SMAD6: variants seen among roughly 807,000 people sequenced by gnomAD.
The protein encoded by SMAD6 is SMAD family member 6.
Under a neutral mutation model 39.4 loss-of-function variants are expected in SMAD6, and 103 were observed. That is an observed-to-expected ratio of 2.62 (90% CI 2.23 to 3.08). The LOEUF is 3.08. Ranked by LOEUF, SMAD6 falls within the 30% of genes most tolerant of loss-of-function variation. SMAD6 has a pLI of 0.00. For missense variants in SMAD6, 1,104 were observed against 742.9 expected (o/e 1.49, Z -5.65); for synonymous variants, 445 against 353.3 (o/e 1.26, Z -2.91).
rs753614941 is a variant in SMAD6 at position 66,781,265 on chromosome 15, G to T, written c.1221G>T (p.Glu407Asp). ...GCGTGTGGGCCTACAACCGCGGCGA[G>T]CACCCCATCTTCGTCAACTCCCCGA... Reference protein sequence around the residue: ...PDGVWAYNRGEHPIFVNSPTL... With the variant: ...PDGVWAYNRGDHPIFVNSPTL... The change falls in exon 4 of 4, where the codon GAG becomes GAT. Residue 407 changes from glutamate to aspartate, a missense_variant. Coordinates refer to ENST00000288840, the MANE Select transcript of SMAD6 (RefSeq NM_005585.5). 6.2e-7 allele frequency: 1 copy of T among 1,607,792 alleles called. No homozygotes were observed. The highest frequency in any genetic ancestry group is 1.1e-5 in the South Asian group (1 of 91,054).
In SMAD6 at chr15:66,703,906, C is replaced by G. The variant is rs1035549645; in HGVS notation, c.648C>G (p.Gly216=). The G allele has an allele frequency of 9.9e-5, 127 of 1,288,778 alleles. No individual in the cohort carries two copies. Among genetic ancestry groups the G allele is most frequent in the Non-Finnish European group, 1.1e-4 (114 of 1,023,394 alleles). The allele number at this position is 1,288,778 out of a possible 1,614,324, so 79.8% of individuals were successfully genotyped here. The change falls in exon 1 of 4, where the codon GGC becomes GGG. Residue 216 remains glycine (G), a synonymous_variant. Transcript: ENST00000288840. The stretch of plus-strand genomic sequence containing the variant: ...TGCCGCGCGCCGACCTCCGCCTGGG[C>G]GGCCAGCCCGCGCCGCCGCAGCTGC... The part of the protein sequence containing the change: ...VLVPRADLRL[G]GQPAPPQLLL...
At chr15:66,711,460 C>G (rs1360693696) in intron 1 of SMAD6, among the ~76,000 whole-genome samples, 1 of 152,204 alleles carries the variant, frequency 6.6e-6, no homozygotes, top group Non-Finnish European at 1.5e-5. Flanking sequence ...CCAAAGGTGG[C>G]AGAGCTGGGA....
chr15:66,734,215 T>C (rs371770137), intron 3 of SMAD6, among the ~76,000 whole-genome samples: 38 of 152,330 alleles, frequency 2.5e-4, no homozygotes, highest in African/African-American at 8.4e-4. Flanking sequence ...AGAAAAGCAC[T>C]GTGCTTGGAA....
At chr15:66,753,774 A>G (rs886829423) in intron 3 of SMAD6, among the ~76,000 whole-genome samples, 7 of 151,670 alleles carry the variant, frequency 4.6e-5, no homozygotes, top group Admixed American at 4.6e-4. Context: ...GGACTTCATC[A>G]CTCTTTTGGA....
At chr15:66,719,544 G>T (rs967770927) in intron 3 of SMAD6, among the ~76,000 whole-genome samples, 5 of 152,244 alleles carry the variant, frequency 3.3e-5, no homozygotes, top group African/African-American at 1.2e-4. Flanking sequence ...TCCCCAAACA[G>T]GGTGTCTGCA....
chr15:66,761,648 C>T (rs7180242), intron 3 of SMAD6, among the ~76,000 whole-genome samples: 69,922 of 152,052 alleles, frequency 0.46, 17,070 homozygotes, highest in Admixed American at 0.61. Flanking sequence ...CTATAAGGCC[C>T]TACCCTCCTG....
At chr15:66,717,945 A>C (rs975876138) in intron 3 of SMAD6, among the ~76,000 whole-genome samples, 1 of 152,152 alleles carries the variant, frequency 6.6e-6, no homozygotes, top group African/African-American at 2.4e-5. Context: ...CACCTACATG[A>C]GTGAAAGCCA....
chr15:66,741,367 G>T (rs78138938), intron 3 of SMAD6, among the ~76,000 whole-genome samples: 1 of 152,166 alleles, frequency 6.6e-6, no homozygotes, highest in Non-Finnish European at 1.5e-5. Context: ...GTGGATTGCC[G>T]AGGGGCTTCG....
At position 66,703,669 on chromosome 15, in the gene SMAD6, G is replaced by C. The variant is rs1555434217; in HGVS notation, c.411G>C (p.Ala137=). The C allele has an allele frequency of 2.4e-6, 3 of 1,230,044 alleles. No homozygotes were observed. The highest frequency in any genetic ancestry group is 1.6e-5 in the African/African-American group (1 of 62,970). The allele number at this position is 1,230,044 out of a possible 1,614,324, so 76.2% of individuals were successfully genotyped here. A position where few individuals can be genotyped will look rare whatever the true frequency, so the allele number is the denominator to read the frequency against. The part of the protein sequence containing the change: ...CLFSERDAAG[A]PRDASDPLAG... ...TTTCGGAGCGGGACGCCGCCGGCGC[G>C]CCCCGGGACGCCAGCGACCCCCTGG... The change falls in exon 1 of 4, where the codon GCG becomes GCC. Residue 137 remains alanine, a synonymous_variant. Coordinates refer to ENST00000288840, the MANE Select transcript of SMAD6 (RefSeq NM_005585.5).
intron 3 of SMAD6, among the ~76,000 whole-genome samples, chr15:66,729,178 A>G (rs1446626099): frequency 1.3e-5 from 2 of 152,094 alleles, no homozygotes; most frequent in Non-Finnish European, 2.9e-5. Flanking sequence ...GCCCACACGG[A>G]GGTGGTGGCC....
At chr15:66,780,487 C>A (rs1459014376) in intron 3 of SMAD6, among the ~76,000 whole-genome samples, 3 of 152,204 alleles carry the variant, frequency 2.0e-5, no homozygotes, top group Non-Finnish European at 4.4e-5. Context: ...GGTTCAAATT[C>A]TGGCGGGGTG....
At chr15:66,729,656 G>A (rs971519004) in intron 3 of SMAD6, among the ~76,000 whole-genome samples, 5 of 152,216 alleles carry the variant, frequency 3.3e-5, no homozygotes, top group African/African-American at 1.2e-4. Context: ...AGGGAGCACT[G>A]TGTGAGTTAC....
At chr15:66,717,648 C>G (rs889665176) in intron 3 of SMAD6, 7 of 357,664 alleles carry the variant, frequency 2.0e-5, no homozygotes, top group Non-Finnish European at 3.9e-5. Flanking sequence ...TATCCATTCC[C>G]TTCTCACCAA....
intron 3 of SMAD6, among the ~76,000 whole-genome samples, chr15:66,780,246 GGTGGGCGGT>G (rs1894534190): frequency 6.6e-6 from 1 of 152,158 alleles, no homozygotes; most frequent in African/African-American, 2.4e-5. Flanking sequence ...AGCCAACTCA[GGTGGGCGGT>G]ACCAGGAGGC....
chr15:66,767,797 A>G (rs1183188535), intron 3 of SMAD6, among the ~76,000 whole-genome samples: 1 of 152,154 alleles, frequency 6.6e-6, no homozygotes. Flanking sequence ...CCTCACTTTA[A>G]GAAAATTCAG....
At chr15:66,777,321 C>T (rs373656347) in intron 3 of SMAD6, among the ~76,000 whole-genome samples, 5 of 152,044 alleles carry the variant, frequency 3.3e-5, no homozygotes, top group African/African-American at 7.2e-5. Flanking sequence ...CAGGATTCCC[C>T]GTGGGGTGTG....
intron 3 of SMAD6, among the ~76,000 whole-genome samples, chr15:66,755,852 G>A (rs1182469423): frequency 2.0e-5 from 3 of 152,170 alleles, no homozygotes; most frequent in African/African-American, 7.2e-5. Flanking sequence ...CCCGAGGTGA[G>A]CAGCAGGGTC....
intron 3 of SMAD6, among the ~76,000 whole-genome samples, chr15:66,742,047 G>T (rs1019556555): frequency 1.6e-4 from 25 of 152,208 alleles, no homozygotes; most frequent in African/African-American, 5.5e-4. Context: ...GGCAGCGGAG[G>T]TCTTGCTGCC....
Position 66,781,599 on chromosome 15 carries a change from G to A in SMAD6, c.*64G>A. Reference sequence around the variant, plus strand: ...CCACCGCCACCTGCCGGCCTCGAGAGGGGCCGATGCCCAGAGACACAGCCC... The same window carrying A: ...CCACCGCCACCTGCCGGCCTCGAGAAGGGCCGATGCCCAGAGACACAGCCC... On this transcript the variant is annotated 3_prime_UTR_variant, in exon 4 of 4. Coordinates refer to ENST00000288840, the MANE Select transcript of SMAD6 (RefSeq NM_005585.5). 1 of 1,275,496 alleles carries A rather than the reference G, an allele frequency of 7.8e-7. No individual in the cohort carries two copies. Among genetic ancestry groups the A allele is most frequent in the South Asian group, 1.6e-5 (1 of 63,532 alleles). 79.0% of individuals were successfully genotyped at this position (1,275,496 alleles called of 1,614,324 possible).
Sources: allele counts gnomAD v4.1 joint callset (sites outside exome capture counted in the v4.1 genomes callset), GRCh38; gene constraint gnomAD v4.1.1; transcripts MANE v1.5; gene names NCBI Gene and HGNC (gene_info 2026-07-23, HGNC 2026-07-21).